Variants in GPR143 observed in about 807,000 individuals in gnomAD.
The protein encoded by GPR143 is G protein-coupled receptor 143, also known as G-protein coupled receptor 143.
A neutral mutation model predicts 27.6 loss-of-function variants in GPR143; 8 were observed. That is an observed-to-expected ratio of 0.29 (90% CI 0.17 to 0.52). The LOEUF is 0.52. GPR143 is among the 20% of genes least tolerant of loss of function. The probability of loss-of-function intolerance (pLI) is 0.96; values close to 1 mark genes in which losing one functional copy is unlikely to be tolerated. For missense variants in GPR143, 303 were observed against 343.1 expected (o/e 0.88, Z 0.92); for synonymous variants, 156 against 153.2 (o/e 1.02, Z -0.13).
At chrX:9,729,092 A>G (rs367616714) in intron 8 of GPR143, among the ~76,000 whole-genome samples, 2 of 110,850 alleles carry the variant, frequency 1.8e-5, no homozygotes, top group East Asian at 5.7e-4. Flanking sequence ...GTAGCCGACA[A>G]GGATGGTGGA....
At chrX:9,765,974 G>A (rs111417483), upstream of GPR143, 1,198 of 478,710 alleles carry the variant, frequency 2.5e-3, 9 homozygotes, top group African/African-American at 0.023. Context: ...TGGGGGCCGA[G>A]AGCACTGGGC....
intron 1 of GPR143, among the ~76,000 whole-genome samples, chrX:9,762,620 AAC>A (rs779757395): frequency 9.0e-6 from 1 of 111,710 alleles, no homozygotes; most frequent in Non-Finnish European, 1.9e-5. Flanking sequence ...TATACCACTA[AAC>A]ACACACTATG....
At position 9,725,354 on chromosome X, in the gene GPR143, C is replaced by A. The variant is rs995356127; in HGVS notation, c.*392G>T. 4 of 165,582 alleles carry A rather than the reference C, an allele frequency of 2.4e-5. No homozygotes were observed. The highest frequency in any genetic ancestry group is 1.2e-4 in the African/African-American group (4 of 32,491). The allele number at this position is 165,582 out of a possible 1,213,427, so 13.6% of individuals were successfully genotyped here. On this transcript the variant is annotated 3_prime_UTR_variant, in exon 9 of 9. Transcript: ENST00000467482. ...CATCATTAAGCAATGCATAACTGTA[C>A]ATGTATTTATTTTCTTTTGCTAGAA... is the stretch of plus-strand genomic sequence containing the variant.
At chrX:9,756,846 T>C (rs1476269321) in intron 3 of GPR143, among the ~76,000 whole-genome samples, 1 of 112,399 alleles carries the variant, frequency 8.9e-6, no homozygotes. Flanking sequence ...ATACCTAGAG[T>C]TACCACATGG....
chrX:9,756,831 T>C (rs59857739), intron 3 of GPR143, among the ~76,000 whole-genome samples: 2 of 112,578 alleles, frequency 1.8e-5, no homozygotes, highest in Non-Finnish European at 3.7e-5. Flanking sequence ...GTTTCTTACC[T>C]GGTTATACCT....
At chrX:9,777,691 T>C (rs1385223925) in intron 1 of GPR143, among the ~76,000 whole-genome samples, 1 of 110,358 alleles carries the variant, frequency 9.1e-6, no homozygotes, top group Non-Finnish European at 1.9e-5. Context: ...TGCCTCATCA[T>C]TGTACCTGAA....
At position 9,739,671 on chromosome X, in the gene GPR143, C is replaced by T. The variant is rs776710609; in HGVS notation, c.934G>A (p.Gly312Ser). The change falls in exon 8 of 9, where the codon GGC becomes AGC. Residue 312 changes from glycine (G) to serine (S), a missense_variant. Transcript: ENST00000467482. ...AAACCCAGGCTGCATCCTGTCCAGC[C>T]GTAGAAGGCCAAAGACAAGAGAAAT... ...QGFLLSLAFYGWTGCSLGFQS... is the reference protein window; with the variant it reads ...QGFLLSLAFYSWTGCSLGFQS... 6 of 1,192,808 alleles carry T rather than the reference C, an allele frequency of 5.0e-6. No individual in the cohort carries two copies. Among genetic ancestry groups the T allele is most frequent in the Non-Finnish European group, 6.8e-6 (6 of 884,505 alleles).
Position 9,760,829 on chromosome X carries a change from AAG to A in GPR143, c.251-5_251-4del. Reference sequence around the variant, plus strand: ...CACGGTGGACCGGATCACCATACCTAAGAGAGAATTGGATAATACTTTGTATC... The same window carrying A: ...CACGGTGGACCGGATCACCATACCTAAGAGAATTGGATAATACTTTGTATC... On this transcript the variant is annotated splice_polypyrimidine_tract_variant and splice_region_variant and intron_variant, in intron 1 of 8. Coordinates refer to ENST00000467482, the MANE Select transcript of GPR143 (RefSeq NM_000273.3). The A allele has an allele frequency of 9.8e-7, 1 of 1,024,284 alleles. No individual in the cohort carries two copies. The highest frequency in any genetic ancestry group is 1.4e-6 in the Non-Finnish European group (1 of 732,403). 84.4% of individuals were successfully genotyped at this position (1,024,284 alleles called of 1,213,427 possible).
upstream of GPR143, among the ~76,000 whole-genome samples, chrX:9,770,053 G>A (rs1307942821): frequency 2.9e-5 from 3 of 104,354 alleles, no homozygotes; most frequent in Non-Finnish European, 5.8e-5. Context: ...GCTTATGTCT[G>A]TAATCCCAGT....
At chrX:9,766,903 TCA>T (rs58553907), upstream of GPR143, among the ~76,000 whole-genome samples, 7,396 of 86,604 alleles carry the variant, frequency 0.085, 385 homozygotes, top group African/African-American at 0.17. Context: ...TCTCTCTCTC[TCA>T]CACACACACA....
chrX:9,746,199 G>A, intron 4 of GPR143, 46 bp from the exon 5 acceptor site: 1 of 779,881 alleles, frequency 1.3e-6, no homozygotes, highest in Non-Finnish European at 2.0e-6. Flanking sequence ...GCAAAGTTTT[G>A]GCTAAAAGAC....
chrX:9,741,330 T>A lies in GPR143; in HGVS notation c.885+8A>T. 1 of 714,288 alleles carries A rather than the reference T, an allele frequency of 1.4e-6. No homozygotes were observed. The highest frequency in any genetic ancestry group is 2.4e-5 in the South Asian group (1 of 42,208). The allele number at this position is 714,288 out of a possible 1,213,427, so 58.9% of individuals were successfully genotyped here. On this transcript the variant is annotated splice_region_variant and intron_variant, in intron 7 of 8. Coordinates refer to ENST00000467482, the MANE Select transcript of GPR143 (RefSeq NM_000273.3). ...TAACTAATTAAAATAAAATATAGAT[T>A]GACCTACCATAATAAACCATGTGGT... is the stretch of plus-strand genomic sequence containing the variant.
chrX:9,739,407 G>A, intron 8 of GPR143, 78 bp downstream of exon 8: 1 of 698,801 alleles, frequency 1.4e-6, no homozygotes, highest in Non-Finnish European at 2.2e-6. Flanking sequence ...CAGCCCCCGG[G>A]ACAAAGAATC....
chrX:9,764,533 CACACACACACAG>C (rs1171520591), intron 1 of GPR143, among the ~76,000 whole-genome samples: 4 of 65,218 alleles, frequency 6.1e-5, no homozygotes, highest in East Asian at 4.0e-4. Context: ...CACACACACA[CACACACACACAG>C]AGCGAGACAG....
chrX:9,729,808 C>G (rs931545069), intron 8 of GPR143, among the ~76,000 whole-genome samples: 1 of 112,033 alleles, frequency 8.9e-6, no homozygotes, highest in Non-Finnish European at 1.9e-5. Flanking sequence ...CTTTAATGAG[C>G]CTTGCAAGTC....
At chrX:9,763,801 C>T (rs2083514032) in intron 1 of GPR143, among the ~76,000 whole-genome samples, 1 of 112,253 alleles carries the variant, frequency 8.9e-6, no homozygotes, top group Non-Finnish European at 1.9e-5. Context: ...TGTTGGCAAA[C>T]TCATTCTTAA....
rs756927546 is a variant in GPR143, at chrX:9,761,919, C to G, written c.251-1093G>C. Among the ~76,000 whole-genome samples, 258 of 110,963 alleles carry G rather than the reference C, an allele frequency of 2.3e-3. 1 individual carries two copies. Among genetic ancestry groups the G allele is most frequent in the African/African-American group, 8.3e-3 (252 of 30,519 alleles). Reference sequence around the variant, plus strand: ...TGACACCAGCCTGGCAAAACCCCATCTCTACAAAAATACAATAATTAGCTG... The same window carrying G: ...TGACACCAGCCTGGCAAAACCCCATGTCTACAAAAATACAATAATTAGCTG... On this transcript the variant is annotated intron_variant, in intron 1 of 8. Transcript: ENST00000467482.
intron 8 of GPR143, among the ~76,000 whole-genome samples, chrX:9,726,494 G>A (rs2083328345): frequency 1.8e-5 from 2 of 111,533 alleles, no homozygotes; most frequent in Non-Finnish European, 3.8e-5. Context: ...GTCAAATTGG[G>A]CTCATTTTTT....
chrX:9,759,499 C>G, intron 2 of GPR143, 73 bp from the exon 3 acceptor site: 1 of 699,800 alleles, frequency 1.4e-6, no homozygotes, highest in Non-Finnish European at 2.2e-6. Flanking sequence ...CTTGAGACGG[C>G]AGGGTAGACA....
Sources: allele counts gnomAD v4.1 joint callset (sites outside exome capture counted in the v4.1 genomes callset), GRCh38; gene constraint gnomAD v4.1.1; transcripts MANE v1.5; gene names NCBI Gene and HGNC (gene_info 2026-07-23, HGNC 2026-07-21).